Variants in SDS observed in about 807,000 individuals in gnomAD.
SDS encodes serine dehydratase, also known as L-serine dehydratase/L-threonine deaminase.
A neutral mutation model predicts 29.3 loss-of-function variants in SDS; 19 were observed. That is an observed-to-expected ratio of 0.65 (90% CI 0.45 to 0.95). The LOEUF (loss-of-function observed/expected upper bound fraction) is 0.95. Among genes scored for constraint, SDS ranks in the 40% least tolerant of loss-of-function variants. The pLI, the probability that SDS is intolerant of heterozygous loss-of-function variation, is 0.00. For missense variants in SDS, 375 were observed against 439.9 expected (o/e 0.85, Z 1.32); for synonymous variants, 176 against 189.0 (o/e 0.93, Z 0.56).
At position 113,400,700 on chromosome 12, in the gene SDS, CAT is replaced by C. The variant is rs1469765754; in HGVS notation, c.-2-992_-2-991del. 3.9e-5 allele frequency among the ~76,000 whole-genome samples: 6 copies of C among 151,950 alleles called. No homozygotes were observed. The East Asian group carries it at 7.7e-4, about 20-fold the overall frequency. ...TTGAATTTTTTTTTGTTTTGTTCCA[CAT>C]GTTTCCATGTGCACAGAGCATTTCA... is the stretch of plus-strand genomic sequence containing the variant. On this transcript the variant is annotated intron_variant, in intron 1 of 7. Coordinates refer to ENST00000257549, the MANE Select transcript of SDS (RefSeq NM_006843.3).
At chr12:113,398,411 G>T in intron 5 of SDS, 104 bp downstream of exon 5, 1 of 743,762 alleles carries the variant, frequency 1.3e-6, no homozygotes, top group Non-Finnish European at 2.3e-6. Flanking sequence ...CACATGTGCA[G>T]CTGCTGTGCA....
chr12:113,395,550 C>T (rs923220555), intron 6 of SDS, among the ~76,000 whole-genome samples: 9 of 152,136 alleles, frequency 5.9e-5, no homozygotes, highest in African/African-American at 1.9e-4. Flanking sequence ...TTCAGGCCAA[C>T]GAAAGGTAAG....
chr12:113,393,243 C>A, intron 7 of SDS, 94 bp from the exon 8 acceptor site: 2 of 1,200,746 alleles, frequency 1.7e-6, no homozygotes, highest in Non-Finnish European at 2.4e-6. Context: ...AATACTGAGC[C>A]AATCAGCTCT....
chr12:113,403,301 C>A (rs567030144), intron 1 of SDS, among the ~76,000 whole-genome samples: 150 of 151,976 alleles, frequency 9.9e-4, no homozygotes, highest in African/African-American at 3.6e-3. Context: ...TAATTAAATT[C>A]TTTTTTTAGG....
chr12:113,403,143 T>C (rs1018523969), intron 1 of SDS, among the ~76,000 whole-genome samples: 2 of 151,994 alleles, frequency 1.3e-5, no homozygotes, highest in East Asian at 1.9e-4. Flanking sequence ...TTTTAAAAAT[T>C]TGAGACAAGG....
Position 113,399,641 on chromosome 12 carries a change from G to T in SDS, c.68C>A (p.Ala23Asp). The change falls in exon 2 of 8, where the codon GCC becomes GAC. Residue 23 changes from alanine (A) to aspartate (D), a missense_variant. By Grantham distance (126) the Ala-to-Asp change is moderately radical. Coordinates refer to ENST00000257549, the MANE Select transcript of SDS (RefSeq NM_006843.3). ...CATCTTGAGGTAGACGCTGGTGCCG[G>T]CCATTTTGGACAGGGCCATGCTGTC... The part of the protein sequence containing the change: ...IRDSMALSKM[A>D]GTSVYLKMDS... The T allele has an allele frequency of 6.2e-7, 1 of 1,600,036 alleles. No individual in the cohort carries two copies. The highest frequency in any genetic ancestry group is 8.5e-7 in the Non-Finnish European group (1 of 1,175,026).
chr12:113,393,482 AT>A (rs1353584939), intron 7 of SDS, among the ~76,000 whole-genome samples: 1 of 152,086 alleles, frequency 6.6e-6, no homozygotes, highest in African/African-American at 2.4e-5. Context: ...AAATGGTACT[AT>A]TTTTTTCTCT....
At chr12:113,398,061 C>CT (rs71443028) in intron 5 of SDS, among the ~76,000 whole-genome samples, 4,441 of 130,522 alleles carry the variant, frequency 0.034, 83 homozygotes, top group Middle Eastern at 0.094. Context: ...TGTGTTTCTT[C>CT]TTTTTTTTTT....
At position 113,392,840 on chromosome 12, in the gene SDS, A is replaced by T; in HGVS notation, c.*101T>A. ...CAAGAAGTTAACCTGCACCCAGGCCACAGGTGCTCAGCCAAACATACGACG... is the reference window on the plus strand; with the variant it reads ...CAAGAAGTTAACCTGCACCCAGGCCTCAGGTGCTCAGCCAAACATACGACG... On this transcript the variant is annotated 3_prime_UTR_variant, in exon 8 of 8. Transcript: ENST00000257549. 1 of 1,131,212 alleles carries T rather than the reference A, an allele frequency of 8.8e-7. No individual in the cohort carries two copies. Among genetic ancestry groups the T allele is most frequent in the East Asian group, 2.3e-5 (1 of 42,774 alleles). 70.1% of individuals were successfully genotyped at this position (1,131,212 alleles called of 1,614,324 possible).
chr12:113,399,606 G>A lies in SDS; in HGVS notation c.103C>T (p.Gln35Ter). 6.2e-7 allele frequency: 1 copy of A among 1,603,452 alleles called. No homozygotes were observed. The highest frequency in any genetic ancestry group is 1.1e-5 in the South Asian group (1 of 88,794). The change falls in exon 2 of 8, where the codon CAG (glutamine) becomes TAG (stop). Residue 35 changes from glutamine to a stop codon, truncating the protein, a stop_gained. Coordinates refer to ENST00000257549, the MANE Select transcript of SDS (RefSeq NM_006843.3). LOFTEE classifies it high-confidence loss of function. Reference protein sequence around the residue: ...TSVYLKMDSAQPSGSFKIRGI... With the variant: ...TSVYLKMDSA ...CGGATCTTGAAGGAGCCGGAGGGCTGGGCACTGTCCATCTTGAGGTAGACG... is the reference window on the plus strand; with the variant it reads ...CGGATCTTGAAGGAGCCGGAGGGCTAGGCACTGTCCATCTTGAGGTAGACG...
At chr12:113,397,466 C>T in intron 5 of SDS, 74 bp from the exon 6 acceptor site, 4 of 1,250,694 alleles carry the variant, frequency 3.2e-6, no homozygotes, top group Non-Finnish European at 4.5e-6. Context: ...TTGCACCGGC[C>T]TTATCCCAGC....
intron 6 of SDS, among the ~76,000 whole-genome samples, chr12:113,395,768 C>G (rs1025830785): frequency 1.3e-5 from 2 of 152,222 alleles, no homozygotes; most frequent in African/African-American, 4.8e-5. Context: ...ATTTAAGTCA[C>G]TGTTATTTGG....
chr12:113,398,906 A>T, intron 3 of SDS, 60 bp from the exon 4 acceptor site: 1 of 1,548,200 alleles, frequency 6.5e-7, no homozygotes, highest in South Asian at 1.2e-5. Flanking sequence ...CCCAGGCAGG[A>T]CTGCGTACCC....
At position 113,397,156 on chromosome 12, in the gene SDS, G is replaced by C. The variant is rs1413111824; in HGVS notation, c.653+9C>G. 2 of 1,613,374 alleles carry C rather than the reference G, an allele frequency of 1.2e-6. No homozygotes were observed. The highest frequency in any genetic ancestry group is 1.7e-6 in the Non-Finnish European group (2 of 1,179,374). On this transcript the variant is annotated intron_variant, in intron 6 of 7. Coordinates refer to ENST00000257549, the MANE Select transcript of SDS (RefSeq NM_006843.3). ...CTGGACACCCGAGGGAGGCACCCCA[G>C]CTGCTCACCTGGTGATCTTGGGCAG... is the stretch of plus-strand genomic sequence containing the variant.
At chr12:113,401,883 A>T (rs1957686342) in intron 1 of SDS, among the ~76,000 whole-genome samples, 1 of 152,182 alleles carries the variant, frequency 6.6e-6, no homozygotes, top group South Asian at 2.1e-4. Context: ...ACGATGGCCA[A>T]GGGGCTCTCT....
At chr12:113,396,171 C>G (rs1957642634) in intron 6 of SDS, among the ~76,000 whole-genome samples, 1 of 152,170 alleles carries the variant, frequency 6.6e-6, no homozygotes, top group Admixed American at 6.5e-5. Flanking sequence ...AGGAGCAAGA[C>G]TTGTGTTTAT....
At position 113,397,300 on chromosome 12, in the gene SDS, A is replaced by T; in HGVS notation, c.518T>A (p.Leu173Gln). The change falls in exon 6 of 8, where the codon CTG becomes CAG. Residue 173 changes from leucine to glutamine, a missense_variant. Transcript: ENST00000257549. ...IALSVGGGGL[L>Q]CGVVQGLQEV... ...CTGCAGCCCCTGGACCACTCCACAC[A>T]GCAGGCCCCCGCCGCCCACTGACAG... The T allele has an allele frequency of 6.2e-7, 1 of 1,614,130 alleles. No individual in the cohort carries two copies. Among genetic ancestry groups the T allele is most frequent in the Non-Finnish European group, 8.5e-7 (1 of 1,179,996 alleles).
At chr12:113,400,068 T>C (rs1164434878) in intron 1 of SDS, among the ~76,000 whole-genome samples, 1 of 152,076 alleles carries the variant, frequency 6.6e-6, no homozygotes, top group Non-Finnish European at 1.5e-5. Context: ...CCAAGGCTGG[T>C]GGATCACAAG....
chr12:113,393,875 G>C lies in SDS; in HGVS notation c.778+17C>G, dbSNP rs774295388. ...CCTGAGTCAGCAGGTCAGGTCATGG[G>C]AGGACCTGGCACATACCCACGAACT... On this transcript the variant is annotated intron_variant, in intron 7 of 7. Coordinates refer to ENST00000257549, the MANE Select transcript of SDS (RefSeq NM_006843.3). 6.2e-7 allele frequency: 1 copy of C among 1,614,162 alleles called. No individual in the cohort carries two copies. The highest frequency in any genetic ancestry group is 1.7e-5 in the Admixed American group (1 of 60,014).
Sources: gnomAD v4.1 joint callset for allele counts (sites outside exome capture counted in the v4.1 genomes callset) on GRCh38, gnomAD v4.1.1 for gene constraint, MANE v1.5 for transcripts, NCBI Gene and HGNC (gene_info 2026-07-23, HGNC 2026-07-21) for gene names.